Variants in RAD54L2 observed in about 807,000 individuals in gnomAD.
The protein encoded by RAD54L2 is helicase ARIP4.
RAD54L2 carries 27 observed loss-of-function variants against 138.4 expected under a neutral mutation model. The ratio of observed to expected loss-of-function variants is 0.20; its 90% CI spans 0.14 to 0.27. The LOEUF is 0.27. Among genes scored for constraint, RAD54L2 ranks in the 10% least tolerant of loss-of-function variants. The pLI is 1.00. For synonymous variants in RAD54L2, 644 were observed against 723.2 expected (o/e 0.89, Z 1.76); for missense variants, 1,396 against 1,890.2 (o/e 0.74, Z 4.85).
intron 2 of RAD54L2, among the ~76,000 whole-genome samples, chr3:51,559,467 A>T (rs1255823730): frequency 6.6e-6 from 1 of 152,204 alleles, no homozygotes; most frequent in Non-Finnish European, 1.5e-5. Context: ...AGTGCTTCAG[A>T]TCCAAACTGA....
chr3:51,586,623 C>A (rs920253216), intron 2 of RAD54L2, among the ~76,000 whole-genome samples: 5 of 148,656 alleles, frequency 3.4e-5, no homozygotes, highest in Non-Finnish European at 7.4e-5. Context: ...GGCTGGAGTG[C>A]AGTGGTGGGA....
chr3:51,542,719 T>C (rs1226619556), intron 2 of RAD54L2, among the ~76,000 whole-genome samples: 1 of 152,194 alleles, frequency 6.6e-6, no homozygotes, highest in African/African-American at 2.4e-5. Context: ...CGTCTTGGCC[T>C]CCCAAAGTGC....
At chr3:51,566,999 C>T (rs1366225597) in intron 2 of RAD54L2, among the ~76,000 whole-genome samples, 1 of 152,108 alleles carries the variant, frequency 6.6e-6, no homozygotes, top group Non-Finnish European at 1.5e-5. Context: ...TTGTAGTTTA[C>T]TCTTTCATGA....
chr3:51,552,357 G>A (rs917043883), intron 2 of RAD54L2, among the ~76,000 whole-genome samples: 1 of 151,188 alleles, frequency 6.6e-6, no homozygotes, highest in South Asian at 2.1e-4. Flanking sequence ...CCGCCTCCCG[G>A]GTTCATGCCA....
intron 3 of RAD54L2, among the ~76,000 whole-genome samples, chr3:51,599,476 T>G (rs1470577231): frequency 1.3e-5 from 2 of 152,086 alleles, no homozygotes; most frequent in African/African-American, 4.8e-5. Context: ...TTTATTAGTT[T>G]TATATAAATA....
chr3:51,612,895 A>G (rs1051330942), intron 3 of RAD54L2, among the ~76,000 whole-genome samples: 2 of 152,132 alleles, frequency 1.3e-5, no homozygotes, highest in Middle Eastern at 3.2e-3. Flanking sequence ...TTTTCTTGAT[A>G]TTACCCTGTC....
chr3:51,544,281 C>A (rs1436967394), intron 2 of RAD54L2, among the ~76,000 whole-genome samples: 1 of 152,178 alleles, frequency 6.6e-6, no homozygotes, highest in Non-Finnish European at 1.5e-5. Context: ...TTCATGGCTG[C>A]CTCTGATCCT....
chr3:51,576,879 T>C (rs1397267132), intron 2 of RAD54L2, among the ~76,000 whole-genome samples: 3 of 152,168 alleles, frequency 2.0e-5, no homozygotes, highest in Non-Finnish European at 4.4e-5. Flanking sequence ...TTTCCTGCCT[T>C]CTGCTAGCTT....
At chr3:51,623,948 C>T (rs868777374) in intron 3 of RAD54L2, among the ~76,000 whole-genome samples, 130 of 143,542 alleles carry the variant, frequency 9.1e-4, no homozygotes, top group African/African-American at 3.3e-3. Context: ...CACTGCAGTC[C>T]AGCCTGGGTG....
intron 9 of RAD54L2, 134 bp downstream of exon 9, chr3:51,634,169 T>C: frequency 8.4e-7 from 1 of 1,196,074 alleles, no homozygotes; most frequent in Non-Finnish European, 1.1e-6. Flanking sequence ...TATCACTTTC[T>C]CTGTTCTTGC....
intron 2 of RAD54L2, among the ~76,000 whole-genome samples, chr3:51,574,431 A>G (rs1699415551): frequency 6.6e-6 from 1 of 152,216 alleles, no homozygotes; most frequent in Non-Finnish European, 1.5e-5. Flanking sequence ...ACTGTCTTCC[A>G]CAATGGTTGA....
intron 19 of RAD54L2, among the ~76,000 whole-genome samples, chr3:51,654,179 C>G (rs189651224): frequency 6.6e-6 from 1 of 152,066 alleles, no homozygotes; most frequent in Admixed American, 6.6e-5. Context: ...ACCCAAGTAG[C>G]TGGGATTATA....
chr3:51,565,120 G>T (rs1273019764), intron 2 of RAD54L2, among the ~76,000 whole-genome samples: 1 of 152,190 alleles, frequency 6.6e-6, no homozygotes, highest in Non-Finnish European at 1.5e-5. Context: ...TGAGTTGCTA[G>T]AATGTCAGGA....
At chr3:51,561,458 T>C (rs1424778065) in intron 2 of RAD54L2, among the ~76,000 whole-genome samples, 2 of 152,224 alleles carry the variant, frequency 1.3e-5, no homozygotes, top group Non-Finnish European at 2.9e-5. Context: ...GTGGCCAGGC[T>C]GCTCTTGAAC....
intron 19 of RAD54L2, among the ~76,000 whole-genome samples, chr3:51,654,028 A>G (rs13314120): frequency 0.038 from 5,850 of 152,178 alleles, 394 homozygotes; most frequent in African/African-American, 0.13. Context: ...TAGGTAAGAC[A>G]TTGACTTTTA....
At chr3:51,606,692 A>G (rs1308895686) in intron 3 of RAD54L2, among the ~76,000 whole-genome samples, 1 of 151,284 alleles carries the variant, frequency 6.6e-6, no homozygotes, top group Non-Finnish European at 1.5e-5. Flanking sequence ...GTATGTATGT[A>G]TTTATTTTGA....
chr3:51,609,282 G>C (rs1489882366), intron 3 of RAD54L2, among the ~76,000 whole-genome samples: 1 of 152,210 alleles, frequency 6.6e-6, no homozygotes, highest in Non-Finnish European at 1.5e-5. Context: ...TAACGAGATA[G>C]GTCAGGAGGC....
chr3:51,663,308 T>A lies in RAD54L2; in HGVS notation c.4292T>A (p.Leu1431His). ...CATGCAGGCTACCCAGCTGGTGGCC[T>A]CCTACGGTCCCAGGTGCCTCCATTT... ...SPHAGYPAGG[L>H]LRSQVPPFDS... is the part of the protein sequence containing the mutation. The change falls in exon 23 of 23, where the codon CTC (leucine) becomes CAC (histidine). Residue 1431 changes from leucine to histidine, a missense_variant. Leu to His is a moderately conservative substitution (Grantham distance 99). Transcript: ENST00000684192. 1 of 1,613,916 alleles carries A rather than the reference T, an allele frequency of 6.2e-7. No individual in the cohort carries two copies. Among genetic ancestry groups the A allele is most frequent in the East Asian group, 2.2e-5 (1 of 44,884 alleles).
intron 3 of RAD54L2, among the ~76,000 whole-genome samples, chr3:51,623,820 A>G (rs1207644065): frequency 6.6e-6 from 1 of 151,600 alleles, no homozygotes; most frequent in South Asian, 2.1e-4. Flanking sequence ...CTAAAAATAC[A>G]AAAAAAATTA....
Sources: gnomAD v4.1 joint callset for allele counts (sites outside exome capture counted in the v4.1 genomes callset) on GRCh38, gnomAD v4.1.1 for gene constraint, MANE v1.5 for transcripts, NCBI Gene and HGNC (gene_info 2026-07-23, HGNC 2026-07-21) for gene names.